DYDC1: variants seen among roughly 807,000 people sequenced by gnomAD.
DYDC1 encodes the protein DPY30 domain containing 1.
DYDC1 carries 21 observed loss-of-function variants against 27.9 expected under a neutral mutation model. That is an observed-to-expected ratio of 0.75 (90% CI 0.53 to 1.08). The LOEUF is 1.08. Among genes scored for constraint, DYDC1 ranks in the 50% least tolerant of loss-of-function variants. The probability of loss-of-function intolerance (pLI) is 0.00; values close to 1 mark genes in which losing one functional copy is unlikely to be tolerated. For missense variants in DYDC1, 202 were observed against 205.9 expected (o/e 0.98, Z 0.12); for synonymous variants, 67 against 65.8 (o/e 1.02, Z -0.09).
chr10:80,356,416 G>T (rs41296131), intron 1 of DYDC1: 2 of 985,442 alleles, frequency 2.0e-6, no homozygotes, highest in Admixed American at 6.1e-5. Flanking sequence ...GGGCAGGGGT[G>T]CCAGATACAG....
chr10:80,343,432 C>T (rs1458704349), intron 3 of DYDC1, among the ~76,000 whole-genome samples: 1 of 152,058 alleles, frequency 6.6e-6, no homozygotes, highest in Non-Finnish European at 1.5e-5. Context: ...TTTGGAGTGC[C>T]ATGGTATCAC....
At chr10:80,336,302 G>A in intron 6 of DYDC1, 117 bp from the exon 7 acceptor site, 1 of 1,381,882 alleles carries the variant, frequency 7.2e-7, no homozygotes, top group Non-Finnish European at 9.3e-7. Flanking sequence ...AAACTTTTTG[G>A]GAGTTTCAGA....
At chr10:80,347,186 T>A (rs950463543) in intron 3 of DYDC1, among the ~76,000 whole-genome samples, 1 of 151,960 alleles carries the variant, frequency 6.6e-6, no homozygotes, top group African/African-American at 2.4e-5. Flanking sequence ...ACATTACTTG[T>A]CACTTTTGAT....
At chr10:80,351,486 C>G (rs1159306919) in intron 3 of DYDC1, among the ~76,000 whole-genome samples, 1 of 151,654 alleles carries the variant, frequency 6.6e-6, no homozygotes. Context: ...TAAGTCCACC[C>G]ACCCCCACCA....
intron 3 of DYDC1, among the ~76,000 whole-genome samples, chr10:80,350,914 A>G (rs1842940230): frequency 6.6e-6 from 1 of 152,096 alleles, no homozygotes; most frequent in African/African-American, 2.4e-5. Context: ...TAATCATGCT[A>G]CCCCAATCCT....
chr10:80,348,114 T>A (rs1384536299), intron 3 of DYDC1, among the ~76,000 whole-genome samples: 1 of 152,238 alleles, frequency 6.6e-6, no homozygotes, highest in Non-Finnish European at 1.5e-5. Context: ...TTTATTTGTG[T>A]CTTCCTCAAT....
chr10:80,343,126 C>T (rs1177409401), intron 3 of DYDC1, among the ~76,000 whole-genome samples: 3 of 152,106 alleles, frequency 2.0e-5, no homozygotes, highest in Non-Finnish European at 4.4e-5. Flanking sequence ...GCCAACCCAC[C>T]TCCTGTTTTT....
At chr10:80,345,172 A>G (rs1842538393) in intron 3 of DYDC1, among the ~76,000 whole-genome samples, 1 of 152,224 alleles carries the variant, frequency 6.6e-6, no homozygotes, top group Non-Finnish European at 1.5e-5. Context: ...AGTGACCTTC[A>G]TTCACTCTTG....
At chr10:80,343,766 A>G (rs1276080701) in intron 3 of DYDC1, among the ~76,000 whole-genome samples, 2 of 152,218 alleles carry the variant, frequency 1.3e-5, no homozygotes, top group African/African-American at 4.8e-5. Flanking sequence ...ATAAATATCA[A>G]CATTACCAGA....
intron 1 of DYDC1, among the ~76,000 whole-genome samples, chr10:80,355,079 C>G (rs775971353): frequency 8.0e-5 from 12 of 149,120 alleles, no homozygotes; most frequent in Non-Finnish European, 1.2e-4. Context: ...GACATTTGAG[C>G]TAAGCTTACA....
chr10:80,349,445 T>C (rs1451772051), intron 3 of DYDC1, among the ~76,000 whole-genome samples: 4 of 152,210 alleles, frequency 2.6e-5, no homozygotes, highest in African/African-American at 9.6e-5. Flanking sequence ...TCTTGGCCTG[T>C]AAAGCATAAA....
At chr10:80,345,285 G>A (rs1842544722) in intron 3 of DYDC1, among the ~76,000 whole-genome samples, 1 of 152,236 alleles carries the variant, frequency 6.6e-6, no homozygotes, top group South Asian at 2.1e-4. Context: ...GTTATATTAT[G>A]AATTTTTGAG....
At position 80,350,567 on chromosome 10, in the gene DYDC1, G is replaced by A. The variant is rs76326081; in HGVS notation, c.249+1334C>T. ...AAAATGAAGACTCAGAAGGAGTAGA[G>A]TTTTCAACAGCCCTATCCTTCTAAG... is the stretch of plus-strand genomic sequence containing the variant. On this transcript the variant is annotated intron_variant, in intron 3 of 6. Transcript: ENST00000372202. 7.1e-3 allele frequency among the ~76,000 whole-genome samples: 1,078 copies of A among 152,272 alleles called. 10 individuals are homozygous for A. Among genetic ancestry groups the A allele is most frequent in the African/African-American group, 0.024 (1,017 of 41,550 alleles).
intron 3 of DYDC1, among the ~76,000 whole-genome samples, chr10:80,342,564 C>T (rs78368710): frequency 6.6e-6 from 1 of 152,154 alleles, no homozygotes; most frequent in South Asian, 2.1e-4. Context: ...ACAATTTGTA[C>T]AAAATTATTT....
At chr10:80,353,300 C>T (rs952323375) in intron 1 of DYDC1, among the ~76,000 whole-genome samples, 1 of 151,840 alleles carries the variant, frequency 6.6e-6, no homozygotes, top group Admixed American at 6.6e-5. Context: ...ACACCCTGGG[C>T]TCTAATTCCA....
At chr10:80,338,853 A>G (rs1291372032) in intron 5 of DYDC1, among the ~76,000 whole-genome samples, 1 of 152,180 alleles carries the variant, frequency 6.6e-6, no homozygotes, top group Non-Finnish European at 1.5e-5. Flanking sequence ...AATAGCTTCA[A>G]TATCTCAAGA....
intron 3 of DYDC1, among the ~76,000 whole-genome samples, chr10:80,350,423 G>A (rs1012884600): frequency 6.6e-6 from 1 of 152,190 alleles, no homozygotes; most frequent in Non-Finnish European, 1.5e-5. Context: ...GCTGTAAGAG[G>A]AAGGATGGCT....
At position 80,340,832 on chromosome 10, in the gene DYDC1, G is replaced by A. The variant is rs78287517; in HGVS notation, c.342+1437C>T. On this transcript the variant is annotated intron_variant, in intron 4 of 6. Coordinates refer to ENST00000372202, the MANE Select transcript of DYDC1 (RefSeq NM_001269053.2). The stretch of plus-strand genomic sequence containing the variant: ...ATCACCTTAAACATTATTTCTTTGT[G>A]AATCTTAAAGAGAAAGGGGCTGCTT... Among the ~76,000 whole-genome samples, 1,411 of 152,180 alleles carry A rather than the reference G, an allele frequency of 9.3e-3. 25 individuals are homozygous for A. Among genetic ancestry groups the A allele is most frequent in the African/African-American group, 0.032 (1,341 of 41,518 alleles).
chr10:80,347,305 TGCTATTGA>T (rs1842724304), intron 3 of DYDC1, among the ~76,000 whole-genome samples: 3 of 105,612 alleles, frequency 2.8e-5, no homozygotes, highest in East Asian at 3.0e-4. Flanking sequence ...TTTTTTTTTT[TGCTATTGA>T]GTTTGCATTC....
Sources: allele counts gnomAD v4.1 joint callset (sites outside exome capture counted in the v4.1 genomes callset), GRCh38; gene constraint gnomAD v4.1.1; transcripts MANE v1.5; gene names NCBI Gene and HGNC (gene_info 2026-07-23, HGNC 2026-07-21).